Variants in RNF220 observed in about 807,000 individuals in gnomAD.
The protein encoded by RNF220 is ring finger protein 220.
In RNF220, 7 loss-of-function variants were observed where a neutral mutation model predicts 67.1. That is an observed-to-expected ratio of 0.10 (90% CI 0.06 to 0.20). The LOEUF (loss-of-function observed/expected upper bound fraction) is 0.20. Ranked by LOEUF, RNF220 falls within the 10% of genes least tolerant of loss-of-function variation. RNF220 has a pLI of 1.00. For synonymous variants in RNF220, 270 were observed against 283.2 expected (o/e 0.95, Z 0.47); for missense variants, 565 against 740.3 (o/e 0.76, Z 2.75).
At chr1:44,451,851 C>T (rs1652718525) in intron 2 of RNF220, among the ~76,000 whole-genome samples, 1 of 152,118 alleles carries the variant, frequency 6.6e-6, no homozygotes, top group Non-Finnish European at 1.5e-5. Flanking sequence ...AAACTCCTGA[C>T]CTCGTTATCC....
Position 44,649,992 on chromosome 1 carries a change from G to T in RNF220, c.1629+35G>T. The stretch of plus-strand genomic sequence containing the variant: ...CATGGGGGTCGGGGAATGGGAGGCC[G>T]CTCCGGGCACTGCCCAGATGTCTGT... On this transcript the variant is annotated intron_variant, in intron 14 of 14. Coordinates refer to ENST00000361799, the MANE Select transcript of RNF220 (RefSeq NM_018150.4). This position sits in a 1 kb window ranked among gnomAD's most constrained non-coding sequence, Gnocchi z 5.9. 1 of 1,601,060 alleles carries T rather than the reference G, an allele frequency of 6.2e-7. No homozygotes were observed.
intron 2 of RNF220, among the ~76,000 whole-genome samples, chr1:44,467,653 T>C (rs929475301): frequency 6.6e-6 from 1 of 152,242 alleles, no homozygotes; most frequent in African/African-American, 2.4e-5. Context: ...ACTAAAACTT[T>C]CTGTCAGCAA....
At chr1:44,571,039 A>G (rs2148318354) in intron 2 of RNF220, among the ~76,000 whole-genome samples, 1 of 151,926 alleles carries the variant, frequency 6.6e-6, no homozygotes, top group Middle Eastern at 3.4e-3. Context: ...ACACCACTGC[A>G]TTACCACCTG....
chr1:44,632,283 T>A, intron 5 of RNF220, 60 bp from the exon 6 acceptor site: 2 of 1,613,872 alleles, frequency 1.2e-6, no homozygotes, highest in South Asian at 2.2e-5. Context: ...GGGCCAGGAC[T>A]GCAGGCCGCG....
chr1:44,632,657 A>T (rs1644197399), intron 6 of RNF220: 1 of 570,838 alleles, frequency 1.8e-6, no homozygotes, highest in South Asian at 2.1e-5. Context: ...ATGAGGAACG[A>T]GCTACACAAT....
chr1:44,414,282 T>C (rs1648299244), intron 2 of RNF220, among the ~76,000 whole-genome samples: 2 of 152,236 alleles, frequency 1.3e-5, no homozygotes, highest in Admixed American at 1.3e-4. Flanking sequence ...CAAGGCTAGT[T>C]ATAATGTGAC....
At chr1:44,548,281 C>T (rs985702625) in intron 2 of RNF220, among the ~76,000 whole-genome samples, 2 of 152,192 alleles carry the variant, frequency 1.3e-5, no homozygotes, top group African/African-American at 4.8e-5. Flanking sequence ...CGTCCATCCT[C>T]CCCACTGCTG....
rs542186985 is a variant in RNF220 at position 44,651,072 on chromosome 1, G to A, written c.*297G>A. The A allele has an allele frequency of 6.2e-5, 28 of 452,372 alleles. No individual in the cohort carries two copies. Among genetic ancestry groups the A allele is most frequent in the Middle Eastern group, 6.7e-4 (1 of 1,500 alleles). 28.0% of individuals were successfully genotyped at this position (452,372 alleles called of 1,614,324 possible). On this transcript the variant is annotated 3_prime_UTR_variant, in exon 15 of 15. Transcript: ENST00000361799. ...GGGGGTTGGGGGAGTAGTGGGGCAC[G>A]GCTCCTAAGATCCAGCCCCCATACT...
rs879503426 is a variant in RNF220, at chr1:44,636,091, G to A, written c.1055G>A (p.Arg352His). The change falls in exon 8 of 15, where the codon CGC (arginine) becomes CAC (histidine). Residue 352 changes from arginine (R) to histidine (H), a missense_variant. Physicochemically the swap from Arg to His is conservative, Grantham distance 29 (BLOSUM62 0). Transcript: ENST00000361799. ...GACATCGAGCATGAGAACAACAACCGCTTTGAGGAGTATGAGTGGTGTGGA... is the reference window on the plus strand; with the variant it reads ...GACATCGAGCATGAGAACAACAACCACTTTGAGGAGTATGAGTGGTGTGGA... ...AVDIEHENNN[R>H]FEEYEWCGQK... 42 of 1,614,086 alleles carry A rather than the reference G, an allele frequency of 2.6e-5. No individual in the cohort carries two copies. Among genetic ancestry groups the A allele is most frequent in the East Asian group, 4.5e-5 (2 of 44,894 alleles).
At chr1:44,442,298 A>T (rs188554117) in intron 2 of RNF220, among the ~76,000 whole-genome samples, 25 of 151,756 alleles carry the variant, frequency 1.6e-4, no homozygotes, top group African/African-American at 6.0e-4. Flanking sequence ...GTGCGCCACC[A>T]CGCCTAGTTA....
At chr1:44,646,842 C>T (rs1459099705) in intron 12 of RNF220, among the ~76,000 whole-genome samples, 1 of 152,114 alleles carries the variant, frequency 6.6e-6, no homozygotes, top group African/African-American at 2.4e-5. Context: ...AGACTGGGGC[C>T]CATCAGTCCC....
At chr1:44,406,980 G>T (rs900435495) in intron 1 of RNF220, among the ~76,000 whole-genome samples, 2 of 152,198 alleles carry the variant, frequency 1.3e-5, no homozygotes, top group Admixed American at 1.3e-4. Flanking sequence ...CAGGGGGAAA[G>T]CTCTCGCTTC....
intron 2 of RNF220, among the ~76,000 whole-genome samples, chr1:44,554,312 C>A (rs982680257): frequency 1.3e-5 from 2 of 152,004 alleles, no homozygotes; most frequent in Non-Finnish European, 2.9e-5. Flanking sequence ...GCCTGGTAGG[C>A]ATTGAGGAGG....
chr1:44,517,077 A>G lies in RNF220; in HGVS notation c.626-97088A>G, dbSNP rs545379921. On this transcript the variant is annotated intron_variant, in intron 2 of 14. Transcript: ENST00000361799. ...TCAGTCTACCTCTAAATCCTATCTC[A>G]AATGCATTCCCTTCTCCCCAGCTTG... 9.9e-5 allele frequency among the ~76,000 whole-genome samples: 15 copies of G among 152,096 alleles called. No homozygotes were observed. The East Asian group carries it at 2.9e-3, about 29-fold the overall frequency.
chr1:44,405,670 C>T, intron 1 of RNF220, 140 bp downstream of exon 1: 1 of 239,414 alleles, frequency 4.2e-6, no homozygotes, highest in Non-Finnish European at 8.0e-6. Flanking sequence ...TGGACGGGGG[C>T]AGGGACTGGG....
intron 2 of RNF220, among the ~76,000 whole-genome samples, chr1:44,445,695 A>G (rs1162095378): frequency 6.6e-6 from 1 of 152,198 alleles, no homozygotes; most frequent in African/African-American, 2.4e-5. Flanking sequence ...TAAAACCTTT[A>G]CCAACTCTCC....
In RNF220 at chr1:44,650,574, C is replaced by T; in HGVS notation, c.1630-130C>T. 2 of 978,280 alleles carry T rather than the reference C, an allele frequency of 2.0e-6. No homozygotes were observed. The highest frequency in any genetic ancestry group is 3.1e-6 in the Non-Finnish European group (2 of 639,980). 60.6% of individuals were successfully genotyped at this position (978,280 alleles called of 1,614,324 possible). A position where few individuals can be genotyped will look rare whatever the true frequency, so the allele number is the denominator to read the frequency against. Reference sequence around the variant, plus strand: ...GCTCACAGAAGCTGCCTATGCGTCCCCAGCCTGGGCTGACAGGACCAAGGT... The same window carrying T: ...GCTCACAGAAGCTGCCTATGCGTCCTCAGCCTGGGCTGACAGGACCAAGGT... On this transcript the variant is annotated intron_variant, in intron 14 of 14. Transcript: ENST00000361799. This position sits in a 1 kb window ranked among gnomAD's most constrained non-coding sequence, Gnocchi z 4.3.
intron 2 of RNF220, among the ~76,000 whole-genome samples, chr1:44,427,892 CT>C (rs1433577137): frequency 1.3e-5 from 2 of 152,204 alleles, no homozygotes; most frequent in Non-Finnish European, 2.9e-5. Context: ...TTTGAGGTCT[CT>C]TAAACCAGGC....
intron 2 of RNF220, among the ~76,000 whole-genome samples, chr1:44,458,809 G>C (rs1345773544): frequency 6.6e-6 from 1 of 152,236 alleles, no homozygotes; most frequent in East Asian, 1.9e-4. Flanking sequence ...AAAAGTGGAA[G>C]TAGTATATGT....
Sources: gnomAD v4.1 joint callset for allele counts (sites outside exome capture counted in the v4.1 genomes callset) on GRCh38, gnomAD v4.1.1 for gene constraint, Gnocchi (gnomAD v3.1) non-coding constraint, MANE v1.5 for transcripts, NCBI Gene and HGNC (gene_info 2026-07-23, HGNC 2026-07-21) for gene names.